The following PIP4K2A variants were observed in gnomAD, a reference collection of about 807,000 sequenced individuals.
The protein encoded by PIP4K2A is phosphatidylinositol-5-phosphate 4-kinase type 2 alpha.
PIP4K2A carries 14 observed loss-of-function variants against 42.9 expected under a neutral mutation model. That is an observed-to-expected ratio of 0.33 (90% CI 0.22 to 0.51). The LOEUF is 0.51. PIP4K2A is among the 20% of genes least tolerant of loss of function. PIP4K2A has a pLI of 0.97. For missense variants in PIP4K2A, 434 were observed against 519.8 expected (o/e 0.83, Z 1.61); for synonymous variants, 192 against 192.2 (o/e 1.00, Z 0.01).
intron 1 of PIP4K2A, among the ~76,000 whole-genome samples, chr10:22,619,432 C>A (rs1208918405): frequency 7.6e-6 from 1 of 130,776 alleles, no homozygotes; most frequent in South Asian, 2.2e-4. Flanking sequence ...TTTTCTTTTT[C>A]TTTTTTCTTT....
chr10:22,670,133 C>CT (rs1454505945), intron 1 of PIP4K2A, among the ~76,000 whole-genome samples: 1 of 152,166 alleles, frequency 6.6e-6, no homozygotes, highest in African/African-American at 2.4e-5. Context: ...AATCCCAGAA[C>CT]TTTGGGAGGC....
intron 1 of PIP4K2A, chr10:22,694,506 TAGA>T (rs1174864841): frequency 3.9e-5 from 6 of 152,226 alleles, no homozygotes; most frequent in African/African-American, 1.4e-4. Context: ...GCAAAATACA[TAGA>T]AGAATTGTTT....
At chr10:22,702,805 C>T (rs1833740696) in intron 1 of PIP4K2A, among the ~76,000 whole-genome samples, 1 of 152,064 alleles carries the variant, frequency 6.6e-6, no homozygotes, top group South Asian at 2.1e-4. Context: ...GTTTAGAATC[C>T]CAGCCCCACT....
At chr10:22,660,537 G>A (rs1172759652) in intron 1 of PIP4K2A, among the ~76,000 whole-genome samples, 1 of 152,064 alleles carries the variant, frequency 6.6e-6, no homozygotes, top group Non-Finnish European at 1.5e-5. Flanking sequence ...AGGCAGGCAG[G>A]AAAGAAGATG....
chr10:22,562,421 C>T (rs557949286), intron 6 of PIP4K2A, among the ~76,000 whole-genome samples: 4 of 152,166 alleles, frequency 2.6e-5, no homozygotes, highest in East Asian at 1.9e-4. Flanking sequence ...TAGTGACAGG[C>T]GCTTGTAGTC....
intron 5 of PIP4K2A, among the ~76,000 whole-genome samples, chr10:22,571,437 G>C (rs1461721165): frequency 6.6e-6 from 1 of 152,162 alleles, no homozygotes; most frequent in Non-Finnish European, 1.5e-5. Context: ...ATATGTAAAA[G>C]ACTTTTCTGA....
At chr10:22,664,105 A>ATATATATATACATATATATATACG (rs1839277245) in intron 1 of PIP4K2A, among the ~76,000 whole-genome samples, 1 of 62,818 alleles carries the variant, frequency 1.6e-5, no homozygotes, top group Non-Finnish European at 2.6e-5. Flanking sequence ...ATATATATAC[A>ATATATATATACATATATATATACG]TATATATATA....
intron 1 of PIP4K2A, among the ~76,000 whole-genome samples, chr10:22,631,378 C>T (rs931147364): frequency 7.2e-5 from 11 of 152,058 alleles, no homozygotes; most frequent in Admixed American, 4.6e-4. Flanking sequence ...TAAGTACAGA[C>T]ACCAAAGAGC....
chr10:22,627,741 G>A (rs1433554226), intron 1 of PIP4K2A, among the ~76,000 whole-genome samples: 1 of 151,782 alleles, frequency 6.6e-6, no homozygotes, highest in Admixed American at 6.6e-5. Flanking sequence ...TGTGTGCAAG[G>A]TCTTTTACTG....
At chr10:22,546,391 T>C in intron 7 of PIP4K2A, among the ~76,000 whole-genome samples, 1 of 152,190 alleles carries the variant, frequency 6.6e-6, no homozygotes, top group East Asian at 1.9e-4. Flanking sequence ...AGCCTGTTAA[T>C]TCACGGGCTC....
At position 22,580,574 on chromosome 10, in the gene PIP4K2A, C is replaced by G. The variant is rs140457990; in HGVS notation, c.493-7117G>C. ...TGCTTTTAACAACCTATTATTTGAC[C>G]CGGTCATTCTCTTCTTTGTAAGAGT... On this transcript the variant is annotated intron_variant, in intron 4 of 9. Coordinates refer to ENST00000376573, the MANE Select transcript of PIP4K2A (RefSeq NM_005028.5). 2.1e-3 allele frequency among the ~76,000 whole-genome samples: 314 copies of G among 149,510 alleles called. 1 individual carries two copies. Among genetic ancestry groups the G allele is most frequent in the Non-Finnish European group, 3.2e-3 (216 of 68,022 alleles).
chr10:22,636,020 G>T (rs998574039), intron 1 of PIP4K2A, among the ~76,000 whole-genome samples: 5 of 152,214 alleles, frequency 3.3e-5, no homozygotes, highest in African/African-American at 1.2e-4. Flanking sequence ...AATCGGCAAA[G>T]AGATTTTATT....
chr10:22,664,223 A>G (rs1165994384), intron 1 of PIP4K2A, among the ~76,000 whole-genome samples: 1 of 52,558 alleles, frequency 1.9e-5, no homozygotes, highest in Non-Finnish European at 3.6e-5. Context: ...ATATACATAT[A>G]TATATACACA....
In PIP4K2A at chr10:22,541,993, C is replaced by T. The variant is rs61749168; in HGVS notation, c.847G>A (p.Val283Met). 2 of 1,613,966 alleles carry T rather than the reference C, an allele frequency of 1.2e-6. No homozygotes were observed. Among genetic ancestry groups the T allele is most frequent in the East Asian group, 2.2e-5 (1 of 44,868 alleles). ...DYSLLVGIHD[V>M]ERAEQEEVEC... ...ACTTCCTCCTGTTCGGCTCTCTCCA[C>T]ATCATGAATTCCCACCAGCAGACTG... The change falls in exon 8 of 10, where the codon GTG (valine) becomes ATG (methionine). Residue 283 changes from valine to methionine, a missense_variant. Val to Met is a conservative substitution (Grantham distance 21). Transcript: ENST00000376573.
chr10:22,603,435 C>A (rs891230239), intron 3 of PIP4K2A, among the ~76,000 whole-genome samples: 1 of 152,014 alleles, frequency 6.6e-6, no homozygotes, highest in African/African-American at 2.4e-5. Flanking sequence ...AAATCTGCAC[C>A]CCTCTTTCCA....
In PIP4K2A at chr10:22,536,033, C is replaced by T. The variant is rs1835909783; in HGVS notation, c.*1168G>A. Reference sequence around the variant, plus strand: ...CCTATACTGTGACTTTACATGTAAACTTCAAAAATCACATGCTGTACATCA... The same window carrying T: ...CCTATACTGTGACTTTACATGTAAATTTCAAAAATCACATGCTGTACATCA... On this transcript the variant is annotated 3_prime_UTR_variant, in exon 10 of 10. Transcript: ENST00000376573. The T allele has an allele frequency of 1.0e-5, 4 of 398,276 alleles. No individual in the cohort carries two copies. Among genetic ancestry groups the T allele is most frequent in the Non-Finnish European group, 1.3e-5 (3 of 225,904 alleles). The allele number at this position is 398,276 out of a possible 1,614,324, so 24.7% of individuals were successfully genotyped here.
intron 1 of PIP4K2A, among the ~76,000 whole-genome samples, chr10:22,648,086 A>G (rs912343120): frequency 3.9e-5 from 6 of 152,168 alleles, no homozygotes; most frequent in African/African-American, 7.2e-5. Flanking sequence ...CCTTCCTGGA[A>G]TATTCAAGCC....
intron 3 of PIP4K2A, among the ~76,000 whole-genome samples, chr10:22,600,105 T>C (rs1257627212): frequency 6.6e-6 from 1 of 151,400 alleles, no homozygotes; most frequent in East Asian, 1.9e-4. Context: ...TGTCCTCATT[T>C]AGTAACAGTT....
At chr10:22,664,005 G>T (rs1366308064) in intron 1 of PIP4K2A, among the ~76,000 whole-genome samples, 15 of 134,372 alleles carry the variant, frequency 1.1e-4, no homozygotes, top group Non-Finnish European at 2.2e-4. Flanking sequence ...GCCCACTTAA[G>T]GCTCTCTCTC....
Sources: allele counts gnomAD v4.1 joint callset (sites outside exome capture counted in the v4.1 genomes callset), GRCh38; gene constraint gnomAD v4.1.1; transcripts MANE v1.5; gene names NCBI Gene and HGNC (gene_info 2026-07-23, HGNC 2026-07-21).